TBC1D32: variants seen among roughly 807,000 people sequenced by gnomAD.
TBC1D32 encodes the protein TBC1 domain family member 32, also known as protein broad-minded.
In TBC1D32, 151 loss-of-function variants were observed where a neutral mutation model predicts 170.3. The observed-to-expected ratio is 0.89, with a 90% CI of 0.78 to 1.01. The LOEUF is 1.01. TBC1D32 is among the 50% of genes least tolerant of loss of function. The pLI, the probability that TBC1D32 is intolerant of heterozygous loss-of-function variation, is 0.00. For missense variants in TBC1D32, 1,464 were observed against 1,457.1 expected (o/e 1.00, Z -0.08); for synonymous variants, 498 against 488.0 (o/e 1.02, Z -0.27).
chr6:121,308,686 CTTTTTTTTT>C (rs67847088), intron 4 of TBC1D32, among the ~76,000 whole-genome samples: 6 of 112,568 alleles, frequency 5.3e-5, no homozygotes, highest in Non-Finnish European at 6.8e-5. Context: ...AAGCTTACTT[CTTTTTTTTT>C]TTTTTTTTTT....
At chr6:121,147,991 T>G (rs1783697033) in intron 24 of TBC1D32, among the ~76,000 whole-genome samples, 1 of 151,484 alleles carries the variant, frequency 6.6e-6, no homozygotes, top group African/African-American at 2.4e-5. Context: ...TGTTTGTTGG[T>G]TGGTTTTATT....
intron 24 of TBC1D32, among the ~76,000 whole-genome samples, chr6:121,151,243 T>A (rs931986092): frequency 3.3e-5 from 5 of 152,350 alleles, no homozygotes; most frequent in Admixed American, 6.5e-5. Context: ...TGTTACTGCC[T>A]AAATTTTATT....
Position 121,308,163 on chromosome 6 carries a change from A to T in TBC1D32, c.565-62T>A. The T allele has an allele frequency of 4.6e-6, 7 of 1,514,778 alleles. No homozygotes were observed. The South Asian group carries it at 4.8e-5, about 10-fold the overall frequency. The allele number at this position is 1,514,778 out of a possible 1,614,324, so 93.8% of individuals were successfully genotyped here. A position where few individuals can be genotyped will look rare whatever the true frequency, so the allele number is the denominator to read the frequency against. ...TCACTAAAATAATGCCACTTTTCCA[A>T]AACAATATTTAACAAACTACTAAAA... On this transcript the variant is annotated intron_variant, in intron 4 of 31. Coordinates refer to ENST00000398212, the MANE Select transcript of TBC1D32 (RefSeq NM_152730.6).
chr6:121,242,405 T>G (rs1354164888), intron 17 of TBC1D32, 66 bp from the exon 18 acceptor site: 7 of 1,511,412 alleles, frequency 4.6e-6, no homozygotes, highest in Admixed American at 1.8e-5. Context: ...AAAGAGTATG[T>G]CTTAGCTGAG....
intron 15 of TBC1D32, among the ~76,000 whole-genome samples, chr6:121,265,647 G>A (rs988857358): frequency 2.0e-5 from 3 of 151,658 alleles, no homozygotes; most frequent in South Asian, 2.1e-4. Context: ...GAACAAATCT[G>A]GAGGCATCAT....
intron 22 of TBC1D32, chr6:121,170,301 T>C (rs1162043585): frequency 8.8e-7 from 1 of 1,138,208 alleles, no homozygotes; most frequent in Non-Finnish European, 1.2e-6. Context: ...TGATTGAATT[T>C]AGAAAGCAGA....
chr6:121,288,937 T>C (rs1025261706), intron 12 of TBC1D32, among the ~76,000 whole-genome samples: 8 of 152,140 alleles, frequency 5.3e-5, no homozygotes, highest in African/African-American at 1.7e-4. Flanking sequence ...GAAAAGGCCT[T>C]TGACAAAATT....
At chr6:121,297,004 A>T (rs1243695542) in intron 10 of TBC1D32, among the ~76,000 whole-genome samples, 1 of 151,736 alleles carries the variant, frequency 6.6e-6, no homozygotes, top group Non-Finnish European at 1.5e-5. Flanking sequence ...TTCACCATCC[A>T]CTTACTTACA....
intron 30 of TBC1D32, among the ~76,000 whole-genome samples, chr6:121,095,417 C>G (rs1367881714): frequency 5.3e-5 from 8 of 152,100 alleles, no homozygotes; most frequent in African/African-American, 1.4e-4. Context: ...ATTTGAATAC[C>G]CTTTATTTCT....
intron 29 of TBC1D32, among the ~76,000 whole-genome samples, chr6:121,107,216 A>G (rs900653855): frequency 2.6e-5 from 4 of 151,960 alleles, no homozygotes; most frequent in African/African-American, 7.2e-5. Context: ...GTTGAAATAC[A>G]GAAGATTTAT....
chr6:121,227,830 T>C (rs1476455651), intron 20 of TBC1D32, among the ~76,000 whole-genome samples: 1 of 152,160 alleles, frequency 6.6e-6, no homozygotes, highest in African/African-American at 2.4e-5. Context: ...TTAGAAATGG[T>C]TTCCTCTACC....
intron 22 of TBC1D32, among the ~76,000 whole-genome samples, chr6:121,172,227 C>A (rs1583063821): frequency 6.6e-6 from 1 of 152,196 alleles, no homozygotes; most frequent in East Asian, 1.9e-4. Context: ...TGTAAACTAC[C>A]CAGTCTCAGG....
chr6:121,128,627 C>T (rs1270736155), intron 25 of TBC1D32, among the ~76,000 whole-genome samples: 1 of 152,070 alleles, frequency 6.6e-6, no homozygotes, highest in Non-Finnish European at 1.5e-5. Context: ...TGGGCCTTCT[C>T]CCTTTAATCA....
chr6:121,227,861 G>A (rs1562983025), intron 20 of TBC1D32, among the ~76,000 whole-genome samples: 2 of 152,126 alleles, frequency 1.3e-5, no homozygotes, highest in African/African-American at 4.8e-5. Context: ...AAAAGCTTGT[G>A]TGAGATCAGT....
At chr6:121,135,290 A>G (rs1051037404) in intron 24 of TBC1D32, among the ~76,000 whole-genome samples, 1 of 152,156 alleles carries the variant, frequency 6.6e-6, no homozygotes, top group African/African-American at 2.4e-5. Context: ...CCCAAAATTT[A>G]TATATGGAAC....
intron 1 of TBC1D32, among the ~76,000 whole-genome samples, chr6:121,323,202 T>C (rs1465625897): frequency 1.3e-5 from 2 of 152,174 alleles, no homozygotes; most frequent in African/African-American, 4.8e-5. Flanking sequence ...TTCCTGTACA[T>C]CCCTGACTTT....
intron 31 of TBC1D32, among the ~76,000 whole-genome samples, chr6:121,083,204 A>G (rs1020911354): frequency 5.9e-5 from 9 of 152,050 alleles, no homozygotes; most frequent in Admixed American, 3.9e-4. Context: ...TAAAATATAA[A>G]TGCCTTGATT....
rs536713489 is a variant in TBC1D32 at position 121,120,233 on chromosome 6, G to A, written c.2984-4992C>T. Reference sequence around the variant, plus strand: ...TGGAACCTTTAAGGAATTTAAATCCGCATTCAGGGTTTATCTGCCTAGCTA... The same window carrying A: ...TGGAACCTTTAAGGAATTTAAATCCACATTCAGGGTTTATCTGCCTAGCTA... On this transcript the variant is annotated intron_variant, in intron 26 of 31. Coordinates refer to ENST00000398212, the MANE Select transcript of TBC1D32 (RefSeq NM_152730.6). 7.2e-5 allele frequency among the ~76,000 whole-genome samples: 11 copies of A among 152,074 alleles called. 2 individuals are homozygous for A. The highest frequency in any genetic ancestry group is 2.6e-4 in the Admixed American group (4 of 15,254).
chr6:121,316,346 C>T (rs962232700), intron 3 of TBC1D32, among the ~76,000 whole-genome samples: 1 of 151,942 alleles, frequency 6.6e-6, no homozygotes, highest in Non-Finnish European at 1.5e-5. Flanking sequence ...CTTGTGAGCC[C>T]CCAGAGTCAT....
Sources: allele counts gnomAD v4.1 joint callset (sites outside exome capture counted in the v4.1 genomes callset), GRCh38; gene constraint gnomAD v4.1.1; transcripts MANE v1.5; gene names NCBI Gene and HGNC (gene_info 2026-07-23, HGNC 2026-07-21).